Variants in RYR2 observed in about 807,000 individuals in gnomAD.
The protein encoded by RYR2 is cardiac muscle ryanodine receptor-calcium release channel.
Under a neutral mutation model 601.1 loss-of-function variants are expected in RYR2, and 227 were observed. The observed-to-expected ratio is 0.38, with a 90% CI of 0.34 to 0.42. The LOEUF (loss-of-function observed/expected upper bound fraction) is 0.42. Among genes scored for constraint, RYR2 ranks in the 10% least tolerant of loss-of-function variants. The probability of loss-of-function intolerance (pLI) is 1.00; values close to 1 mark genes in which losing one functional copy is unlikely to be tolerated. For synonymous variants in RYR2, 2,223 were observed against 2,175.1 expected (o/e 1.02, Z -0.61); for missense variants, 4,646 against 6,156.5 (o/e 0.75, Z 8.21).
At chr1:237,197,835 C>A (rs967625031) in intron 1 of RYR2, among the ~76,000 whole-genome samples, 3 of 152,108 alleles carry the variant, frequency 2.0e-5, no homozygotes, top group Admixed American at 2.0e-4. Context: ...AGTTTGTGGG[C>A]AGAACATAGG....
rs538324984 is a variant in RYR2, at chr1:237,419,301, TAAA to T, written c.848+2186_848+2188del. ...ACCCTACATCTGTCTTATTTTTGGTTAAAAAAAAAACATGAAAGCTTCTGAAAA... is the reference window on the plus strand; with the variant it reads ...ACCCTACATCTGTCTTATTTTTGGTTAAAAAAACATGAAAGCTTCTGAAAA... On this transcript the variant is annotated intron_variant, in intron 11 of 104. Transcript: ENST00000366574. Among the ~76,000 whole-genome samples the T allele has an allele frequency of 9.0e-3, 1,338 of 149,198 alleles. 6 individuals are homozygous for T. The highest frequency in any genetic ancestry group is 0.014 in the Non-Finnish European group (905 of 67,010).
intron 1 of RYR2, among the ~76,000 whole-genome samples, chr1:237,051,467 C>A (rs1245107284): frequency 6.6e-6 from 1 of 151,510 alleles, no homozygotes; most frequent in Non-Finnish European, 1.5e-5. Flanking sequence ...ACAATGGTGT[C>A]CACATGTCTT....
chr1:237,794,393 C>T (rs1286350768), intron 95 of RYR2, among the ~76,000 whole-genome samples: 1 of 152,170 alleles, frequency 6.6e-6, no homozygotes, highest in Non-Finnish European at 1.5e-5. Flanking sequence ...GAATTTTACA[C>T]CTTGAATATA....
chr1:237,805,580 CAAAA>C (rs772404939), intron 98 of RYR2, among the ~76,000 whole-genome samples: 2 of 37,684 alleles, frequency 5.3e-5, no homozygotes, highest in African/African-American at 1.6e-4. Context: ...GACTCTGTCT[CAAAA>C]AAAAAAAAAA....
chr1:237,509,042 A>G (rs1665607550), intron 23 of RYR2, among the ~76,000 whole-genome samples: 1 of 152,070 alleles, frequency 6.6e-6, no homozygotes, highest in South Asian at 2.1e-4. Flanking sequence ...GCGCCCGGCC[A>G]GGGTTTTCAA....
chr1:237,645,999 C>A (rs61832665), intron 48 of RYR2, among the ~76,000 whole-genome samples: 1 of 151,530 alleles, frequency 6.6e-6, no homozygotes, highest in Non-Finnish European at 1.5e-5. Flanking sequence ...GCTTCAGCCT[C>A]CCGAGTAGCT....
chr1:237,703,281 A>G lies in RYR2; in HGVS notation c.9449+1222A>G, dbSNP rs539660633. Among the ~76,000 whole-genome samples, 20 of 151,612 alleles carry G rather than the reference A, an allele frequency of 1.3e-4. 1 individual carries two copies. Among genetic ancestry groups the G allele is most frequent in the Admixed American group, 8.5e-4 (13 of 15,264 alleles). On this transcript the variant is annotated intron_variant, in intron 66 of 104. Coordinates refer to ENST00000366574, the MANE Select transcript of RYR2 (RefSeq NM_001035.3). ...TCCTCATTTGTTCCTTACTCAGATT[A>G]TCTTTTTTTTCTTTTTAGTGCTTGT...
At chr1:237,362,149 A>C (rs1014280770) in intron 4 of RYR2, among the ~76,000 whole-genome samples, 2 of 152,188 alleles carry the variant, frequency 1.3e-5, no homozygotes, top group Non-Finnish European at 2.9e-5. Context: ...GATTAATCTA[A>C]ACCTGGGACA....
At chr1:237,656,948 A>G (rs1290410870) in intron 53 of RYR2, among the ~76,000 whole-genome samples, 1 of 152,236 alleles carries the variant, frequency 6.6e-6, no homozygotes, top group Non-Finnish European at 1.5e-5. Context: ...AAACCAAACT[A>G]TCACATATTC....
intron 37 of RYR2, 97 bp from the exon 38 acceptor site, chr1:237,617,189 A>C (rs867607824): frequency 2.7e-5 from 30 of 1,094,548 alleles, no homozygotes; most frequent in Middle Eastern, 4.3e-4. Context: ...AAGAGAGAAG[A>C]GTAGGCAACT....
chr1:237,643,850 G>A (rs941029065), intron 48 of RYR2, among the ~76,000 whole-genome samples: 4 of 152,052 alleles, frequency 2.6e-5, no homozygotes, highest in East Asian at 3.9e-4. Context: ...TCCTGACCTC[G>A]TGATCCGCCT....
chr1:237,779,432 T>TTGA (rs1694921657), intron 88 of RYR2, among the ~76,000 whole-genome samples: 1 of 152,228 alleles, frequency 6.6e-6, no homozygotes, highest in South Asian at 2.1e-4. Context: ...GCAGTGAATT[T>TTGA]TGATGGTATA....
intron 79 of RYR2, among the ~76,000 whole-genome samples, chr1:237,738,450 C>CT (rs1007481810): frequency 6.6e-6 from 1 of 152,164 alleles, no homozygotes; most frequent in Non-Finnish European, 1.5e-5. Flanking sequence ...TATACCCTGT[C>CT]TCCCCACACA....
chr1:237,527,538 C>T (rs1370015045), intron 24 of RYR2, among the ~76,000 whole-genome samples: 1 of 152,152 alleles, frequency 6.6e-6, no homozygotes, highest in Non-Finnish European at 1.5e-5. Flanking sequence ...TCCAGTCAAC[C>T]CTTCTCTGCC....
intron 2 of RYR2, among the ~76,000 whole-genome samples, chr1:237,284,546 G>GTA (rs1339398141): frequency 1.3e-4 from 7 of 54,530 alleles, no homozygotes; most frequent in African/African-American, 6.9e-4. Context: ...TATATAGTGT[G>GTA]TGTATATATA....
chr1:237,240,677 A>AAC (rs1686060814), intron 1 of RYR2, among the ~76,000 whole-genome samples: 1 of 148,868 alleles, frequency 6.7e-6, no homozygotes, highest in Non-Finnish European at 1.5e-5. Context: ...AAAAAAAAAA[A>AAC]AAAAAAAAAA....
intron 40 of RYR2, among the ~76,000 whole-genome samples, chr1:237,627,335 G>A (rs1435649579): frequency 6.6e-6 from 1 of 152,134 alleles, no homozygotes; most frequent in Non-Finnish European, 1.5e-5. Flanking sequence ...ATAATTATAC[G>A]TAGTCACTAG....
chr1:237,131,814 G>T (rs1337841801), intron 1 of RYR2, among the ~76,000 whole-genome samples: 2 of 152,056 alleles, frequency 1.3e-5, no homozygotes, highest in East Asian at 3.9e-4. Context: ...TCGACCTCCA[G>T]GGTTCAAGTG....
intron 1 of RYR2, among the ~76,000 whole-genome samples, chr1:237,265,220 G>A (rs6429001): frequency 0.83 from 125,635 of 152,078 alleles, 52,017 homozygotes; most frequent in South Asian, 0.93. Context: ...TAGTGCATGC[G>A]AAAGTCCTGT....
Sources: allele counts gnomAD v4.1 joint callset (sites outside exome capture counted in the v4.1 genomes callset), GRCh38; gene constraint gnomAD v4.1.1; transcripts MANE v1.5; gene names NCBI Gene and HGNC (gene_info 2026-07-23, HGNC 2026-07-21).